LYST: variants seen among roughly 807,000 people sequenced by gnomAD.
The protein encoded by LYST is lysosomal trafficking regulator, also known as lysosomal-trafficking regulator.
In LYST, 192 loss-of-function variants were observed where a neutral mutation model predicts 413.6. That is an observed-to-expected ratio of 0.46 (90% CI 0.41 to 0.52). The LOEUF (loss-of-function observed/expected upper bound fraction) is 0.52, where lower values mean the gene tolerates loss of function less well. Ranked by LOEUF, LYST falls within the 20% of genes least tolerant of loss-of-function variation. LYST has a pLI of 0.00. For synonymous variants in LYST, 1,525 were observed against 1,567.3 expected, an observed-to-expected ratio of 0.97 and a Z score of 0.64; for missense variants, 3,815 against 4,499.9, an observed-to-expected ratio of 0.85 and a Z score of 4.35.
chr1:235,685,815 T>C lies in LYST; in HGVS notation c.10800+1134A>G, dbSNP rs562415703. ...GAGCCAAGATCACACCATTGCACTC[T>C]GGCCTGGGCGACAGAGTGAGACTCT... On this transcript the variant is annotated intron_variant, in intron 48 of 52. Coordinates refer to ENST00000389793, the MANE Select transcript of LYST (RefSeq NM_000081.4). Among the ~76,000 whole-genome samples, 8 of 148,940 alleles carry C rather than the reference T, an allele frequency of 5.4e-5. No homozygotes were observed. In the East Asian group the frequency reaches 1.2e-3, roughly 23 times the overall value.
intron 47 of LYST, 105 bp from the exon 48 acceptor site, chr1:235,687,152 A>G (rs1391922318): frequency 8.4e-6 from 7 of 832,464 alleles, no homozygotes; most frequent in Admixed American, 6.5e-5. Context: ...CTTTTCTGAC[A>G]ACTATTTTTT....
chr1:235,797,513 A>G (rs757549816), intron 10 of LYST, among the ~76,000 whole-genome samples: 1 of 152,152 alleles, frequency 6.6e-6, no homozygotes, highest in Non-Finnish European at 1.5e-5. Context: ...AAACCATTCA[A>G]TGGGGGAGGG....
intron 3 of LYST, 97 bp from the exon 4 acceptor site, chr1:235,813,158 T>C (rs369760460): frequency 1.8e-5 from 13 of 740,318 alleles, no homozygotes; most frequent in African/African-American, 1.6e-4. Flanking sequence ...ATCCTTTTTC[T>C]TGAAAGTCTG....
intron 41 of LYST, among the ~76,000 whole-genome samples, chr1:235,715,808 G>T (rs1413315346): frequency 6.6e-6 from 1 of 151,542 alleles, no homozygotes; most frequent in Non-Finnish European, 1.5e-5. Context: ...TAAAAACTAT[G>T]TCACATTATT....
At chr1:235,706,435 A>G (rs1167974134) in intron 44 of LYST, among the ~76,000 whole-genome samples, 1 of 152,020 alleles carries the variant, frequency 6.6e-6, no homozygotes, top group African/African-American at 2.4e-5. Context: ...TTGTCCTATC[A>G]TTTTTCTTCA....
chr1:235,879,167 A>G (rs1229956306), intron 1 of LYST, among the ~76,000 whole-genome samples: 2 of 152,208 alleles, frequency 1.3e-5, no homozygotes, highest in African/African-American at 4.8e-5. Flanking sequence ...CACCACTACC[A>G]GCCATTCTTC....
chr1:235,805,053 C>G (rs1572321676), intron 6 of LYST, among the ~76,000 whole-genome samples: 1 of 152,118 alleles, frequency 6.6e-6, no homozygotes, highest in Non-Finnish European at 1.5e-5. Context: ...GAGGCTGGAA[C>G]TGAAGTAGGA....
In LYST at chr1:235,791,695, A is replaced by G. The variant is rs776166548; in HGVS notation, c.4543+4T>C. 4 of 1,603,534 alleles carry G rather than the reference A, an allele frequency of 2.5e-6. No homozygotes were observed. The South Asian group carries it at 3.3e-5, about 13-fold the overall frequency. ...GTACAAATCAGATAATCCTGTCATC[A>G]TACCTGTACCATCAAAACTGCTATC... is the stretch of plus-strand genomic sequence containing the variant. On this transcript the variant is annotated splice_donor_region_variant and intron_variant, in intron 12 of 52. Coordinates refer to ENST00000389793, the MANE Select transcript of LYST (RefSeq NM_000081.4).
Position 235,787,380 on chromosome 1 carries a change from A to G in LYST, c.4689-7T>C, listed in dbSNP as rs1572256602. On this transcript the variant is annotated splice_polypyrimidine_tract_variant and splice_region_variant and intron_variant, in intron 13 of 52. Transcript: ENST00000389793. ...ATTTGAATCCATGCACACACTACAG[A>G]AAAAGAGAAAAGGCATAGGCTGAAA... is the stretch of plus-strand genomic sequence containing the variant. 3 of 1,612,728 alleles carry G rather than the reference A, an allele frequency of 1.9e-6. No homozygotes were observed. The highest frequency in any genetic ancestry group is 1.7e-6 in the Non-Finnish European group (2 of 1,178,904).
rs565016266 is a variant in LYST, at chr1:235,682,384, A to C, written c.10800+4565T>G. On this transcript the variant is annotated intron_variant, in intron 48 of 52. Transcript: ENST00000389793. Reference sequence around the variant, plus strand: ...AGGAAAGGGAAGGTGCCTTAGCTCAACAGGCTGCTGGCGGACATGGAGAGG... The same window carrying C: ...AGGAAAGGGAAGGTGCCTTAGCTCACCAGGCTGCTGGCGGACATGGAGAGG... Among the ~76,000 whole-genome samples the C allele has an allele frequency of 5.3e-5, 8 of 152,320 alleles. No individual in the cohort carries two copies. In the South Asian group the frequency reaches 1.7e-3, roughly 32 times the overall value.
intron 3 of LYST, among the ~76,000 whole-genome samples, chr1:235,824,812 G>A (rs1675151335): frequency 6.6e-6 from 1 of 152,094 alleles, no homozygotes; most frequent in African/African-American, 2.4e-5. Context: ...ACGAGGTCAG[G>A]AGTTCAAGAC....
Position 235,765,877 on chromosome 1 carries a change from C to A in LYST, c.6121+202G>T, listed in dbSNP as rs376807057. Among the ~76,000 whole-genome samples, 27 of 151,624 alleles carry A rather than the reference C, an allele frequency of 1.8e-4. No individual in the cohort carries two copies. The East Asian group carries it at 4.8e-3, about 27-fold the overall frequency. On this transcript the variant is annotated intron_variant, in intron 21 of 52. Coordinates refer to ENST00000389793, the MANE Select transcript of LYST (RefSeq NM_000081.4). ...TTACTGTAGTTATTTGAGTCTATGT[C>A]TCCTTTCTCCACTTGGCATTTAGAC...
At chr1:235,723,932 C>T (rs1292427425) in intron 39 of LYST, 96 bp downstream of exon 39, 4 of 1,088,706 alleles carry the variant, frequency 3.7e-6, no homozygotes, top group East Asian at 4.8e-5. Flanking sequence ...CAATTTTATT[C>T]GATTTCAGTA....
At chr1:235,744,416 C>T (rs1034305356) in intron 29 of LYST, among the ~76,000 whole-genome samples, 1 of 152,022 alleles carries the variant, frequency 6.6e-6, no homozygotes, top group African/African-American at 2.4e-5. Flanking sequence ...AGTTAAACTG[C>T]AAAATGACTA....
intron 1 of LYST, among the ~76,000 whole-genome samples, chr1:235,850,723 T>C (rs186708281): frequency 2.6e-5 from 4 of 152,088 alleles, no homozygotes; most frequent in African/African-American, 4.8e-5. Context: ...AGGACATGAA[T>C]AGACAGTTCT....
intron 45 of LYST, among the ~76,000 whole-genome samples, chr1:235,699,132 G>A (rs1272913632): frequency 6.6e-6 from 1 of 152,022 alleles, no homozygotes; most frequent in Non-Finnish European, 1.5e-5. Flanking sequence ...TGGGATACAT[G>A]TGCAGAACGT....
At chr1:235,824,041 T>G (rs1675069232) in intron 3 of LYST, among the ~76,000 whole-genome samples, 1 of 152,222 alleles carries the variant, frequency 6.6e-6, no homozygotes, top group South Asian at 2.1e-4. Flanking sequence ...TTATTTTATA[T>G]ATCACTACAG....
Position 235,759,214 on chromosome 1 carries a change from T to C in LYST, c.6639A>G (p.Ser2213=). Residue 2213 remains serine, a synonymous_variant, in exon 23 of 53, where the codon TCA becomes TCG. Transcript: ENST00000389793. ...ACTCATCCCCAGGACTGTCATCTTC[T>C]GACCTGGGTTCTGCTCCCAACTGTT... is the stretch of plus-strand genomic sequence containing the variant. ...DHKQLGAEPR[S]EDDSPGDESC... is the part of the protein sequence containing the mutation. The C allele has an allele frequency of 6.2e-7, 1 of 1,614,166 alleles. No individual in the cohort carries two copies. The highest frequency in any genetic ancestry group is 1.1e-5 in the South Asian group (1 of 91,088).
chr1:235,725,220 G>A (rs1171417085), intron 38 of LYST, among the ~76,000 whole-genome samples: 1 of 152,126 alleles, frequency 6.6e-6, no homozygotes, highest in Non-Finnish European at 1.5e-5. Context: ...GATCACTTGA[G>A]GTCAGGAGTT....
Sources: allele counts gnomAD v4.1 joint callset (sites outside exome capture counted in the v4.1 genomes callset), GRCh38; gene constraint gnomAD v4.1.1; transcripts MANE v1.5; gene names NCBI Gene and HGNC (gene_info 2026-07-23, HGNC 2026-07-21).